Variants in RAI1 observed in about 807,000 individuals in gnomAD.
RAI1 encodes retinoic acid-induced protein 1.
In RAI1, 9 loss-of-function variants were observed where a neutral mutation model predicts 123.8. That is an observed-to-expected ratio of 0.07 (90% CI 0.04 to 0.13). The LOEUF (loss-of-function observed/expected upper bound fraction) is 0.13, where lower values mean the gene tolerates loss of function less well. Among genes scored for constraint, RAI1 ranks in the 10% least tolerant of loss-of-function variants. The probability of loss-of-function intolerance (pLI) is 1.00; values close to 1 mark genes in which losing one functional copy is unlikely to be tolerated. For missense variants in RAI1, 2,256 were observed against 2,545.8 expected (o/e 0.89, Z 2.45); for synonymous variants, 1,231 against 1,127.3 (o/e 1.09, Z -1.84).
chr17:17,791,459 C>G (rs2032010165), intron 2 of RAI1, among the ~76,000 whole-genome samples: 1 of 152,112 alleles, frequency 6.6e-6, no homozygotes, highest in African/African-American at 2.4e-5. Context: ...GCCTCTCCCT[C>G]TCTGTGCCCC....
chr17:17,703,877 C>G (rs1161928243), intron 1 of RAI1, among the ~76,000 whole-genome samples: 2 of 152,362 alleles, frequency 1.3e-5, no homozygotes, highest in African/African-American at 4.8e-5. Context: ...CTTCGTCTGG[C>G]TTCCCAGAGG....
intron 2 of RAI1, among the ~76,000 whole-genome samples, chr17:17,728,856 G>T (rs969858991): frequency 6.6e-6 from 1 of 152,192 alleles, no homozygotes; most frequent in Admixed American, 6.5e-5. Context: ...GCCCTTCATA[G>T]CTCCTAGCTG....
chr17:17,683,056 C>T (rs961389071), intron 1 of RAI1, among the ~76,000 whole-genome samples: 3 of 152,190 alleles, frequency 2.0e-5, no homozygotes, highest in African/African-American at 7.2e-5. Flanking sequence ...CGGTTCCTCC[C>T]ACCAATACTG....
intron 2 of RAI1, among the ~76,000 whole-genome samples, chr17:17,781,520 CCT>C (rs931754450): frequency 1.3e-5 from 2 of 152,134 alleles, no homozygotes; most frequent in African/African-American, 4.8e-5. Context: ...GGCCTCATTC[CCT>C]GACTGGGGGC....
intron 1 of RAI1, among the ~76,000 whole-genome samples, chr17:17,721,169 C>G (rs1033080378): frequency 1.3e-5 from 2 of 152,130 alleles, no homozygotes; most frequent in African/African-American, 4.8e-5. Flanking sequence ...TCTCCATGCT[C>G]CACCCCACCC....
intron 1 of RAI1, among the ~76,000 whole-genome samples, chr17:17,710,168 TG>T (rs1473821133): frequency 6.6e-6 from 1 of 152,126 alleles, no homozygotes; most frequent in Admixed American, 6.5e-5. Context: ...GGCACCAGGG[TG>T]GCAGCAGCGG....
rs1915643514 is a variant in RAI1 at position 17,714,101 on chromosome 17, G to A, written c.-148-9927G>A. Among the ~76,000 whole-genome samples the A allele has an allele frequency of 6.6e-6, 1 of 152,078 alleles. No homozygotes were observed. The highest frequency in any genetic ancestry group is 1.5e-5 in the Non-Finnish European group (1 of 67,998). On this transcript the variant is annotated intron_variant, in intron 1 of 5. Coordinates refer to ENST00000353383, the MANE Select transcript of RAI1 (RefSeq NM_030665.4). This position sits in a 1 kb window ranked among gnomAD's most constrained non-coding sequence, Gnocchi z 4.9. ...AGCCGCAGGTTGCTCACCACCTCCC[G>A]AGCAGCTCCCTCCTTCCATTTCTGG...
At chr17:17,758,688 C>G (rs1157556099) in intron 2 of RAI1, among the ~76,000 whole-genome samples, 1 of 152,222 alleles carries the variant, frequency 6.6e-6, no homozygotes, top group African/African-American at 2.4e-5. Context: ...ACAGACGCGC[C>G]AACCCCTAAT....
At chr17:17,729,138 C>T (rs947285313) in intron 2 of RAI1, among the ~76,000 whole-genome samples, 18 of 152,310 alleles carry the variant, frequency 1.2e-4, no homozygotes, top group Admixed American at 5.9e-4. Flanking sequence ...CTCATGGTTC[C>T]ACAGCAGACC....
Position 17,796,504 on chromosome 17 carries a change from A to G in RAI1, c.3556A>G (p.Thr1186Ala). The G allele has an allele frequency of 6.2e-7, 1 of 1,611,072 alleles. No individual in the cohort carries two copies. The highest frequency in any genetic ancestry group is 8.5e-7 in the Non-Finnish European group (1 of 1,179,628). Residue 1186 changes from threonine (T) to alanine (A), a missense_variant, in exon 3 of 6, where the codon ACA (threonine) becomes GCA (alanine). By Grantham distance (58) the Thr-to-Ala change is moderately conservative (BLOSUM62 0). Transcript: ENST00000353383. The surrounding 1 kb of genome is among the most constrained non-coding windows in gnomAD (Gnocchi z 5.8). ...KLLDNSHLPA[T>A]FKVSSSPQKE... ...CCTCGACAACAGCCACTTGCCCGCCACATTCAAGGTCTCCAGCAGCCCCCA... is the reference window on the plus strand; with the variant it reads ...CCTCGACAACAGCCACTTGCCCGCCGCATTCAAGGTCTCCAGCAGCCCCCA...
chr17:17,758,326 C>T (rs2142991650), intron 2 of RAI1, among the ~76,000 whole-genome samples: 1 of 152,302 alleles, frequency 6.6e-6, no homozygotes, highest in African/African-American at 2.4e-5. Context: ...GGGTGGCTTA[C>T]AGCTGAAAGG....
chr17:17,765,520 CG>C (rs1230349777), intron 2 of RAI1, among the ~76,000 whole-genome samples: 3 of 152,268 alleles, frequency 2.0e-5, no homozygotes, highest in Non-Finnish European at 2.9e-5. Flanking sequence ...AACGGCAAGA[CG>C]TAGGCCTTAC....
intron 2 of RAI1, chr17:17,777,170 G>A (rs1420141219): frequency 5.3e-5 from 8 of 152,102 alleles, no homozygotes; most frequent in African/African-American, 9.7e-5. Context: ...AGATGACTTC[G>A]GGCCCAGGTT....
chr17:17,704,029 G>A (rs556045958), intron 1 of RAI1, among the ~76,000 whole-genome samples: 6 of 152,218 alleles, frequency 3.9e-5, no homozygotes, highest in East Asian at 1.9e-4. Context: ...CCGGCTCCTC[G>A]GGGGGTGGCC....
At chr17:17,751,355 C>T (rs1268905486) in intron 2 of RAI1, among the ~76,000 whole-genome samples, 2 of 152,236 alleles carry the variant, frequency 1.3e-5, no homozygotes, top group Admixed American at 6.5e-5. Context: ...CTTCTCGGCT[C>T]CTGTGTCTGC....
Position 17,806,125 on chromosome 17 carries a change from G to C in RAI1, c.5659+2276G>C, listed in dbSNP as rs137938870. 2.6e-5 allele frequency among the ~76,000 whole-genome samples: 4 copies of C among 152,230 alleles called. 1 individual carries two copies. The highest frequency in any genetic ancestry group is 6.5e-5 in the Admixed American group (1 of 15,288). ...TTGGCCACAGTTAGGGAGACCAGAC[G>C]GGAAGGAGAGAGTATGCACTGTGGA... On this transcript the variant is annotated intron_variant, in intron 4 of 5. Transcript: ENST00000353383.
intron 2 of RAI1, among the ~76,000 whole-genome samples, chr17:17,779,933 G>A (rs1397466568): frequency 1.3e-5 from 2 of 150,984 alleles, no homozygotes; most frequent in Non-Finnish European, 1.5e-5. Flanking sequence ...CCGCCACCTC[G>A]CCCGGCTAAT....
chr17:17,781,437 G>T (rs1397707790), intron 2 of RAI1, among the ~76,000 whole-genome samples: 1 of 152,270 alleles, frequency 6.6e-6, no homozygotes, highest in African/African-American at 2.4e-5. Context: ...CCTCTTGGGG[G>T]AAGGACAGGC....
rs1254559475 is a variant in RAI1 at position 17,796,428 on chromosome 17, G to T, written c.3480G>T (p.Arg1160=). 1.2e-6 allele frequency: 2 copies of T among 1,613,310 alleles called. No individual in the cohort carries two copies. Among genetic ancestry groups the T allele is most frequent in the African/African-American group, 2.7e-5 (2 of 74,936 alleles). Residue 1160 remains arginine, a synonymous_variant, in exon 3 of 6, where the codon CGG becomes CGT. Transcript: ENST00000353383. The surrounding 1 kb of genome is among the most constrained non-coding windows in gnomAD (Gnocchi z 5.8). ...CCCAGGAGATCTTCCACTCCAAGCG[G>T]CGGAGGCCCTCTGAGGGCCGGCTCC... ...TKTQEIFHSK[R]RRPSEGRLPN... is the part of the protein sequence containing the mutation.
Sources: allele counts gnomAD v4.1 joint callset (sites outside exome capture counted in the v4.1 genomes callset), GRCh38; gene constraint gnomAD v4.1.1; non-coding constraint Gnocchi (gnomAD v3.1); transcripts MANE v1.5; gene names NCBI Gene and HGNC (gene_info 2026-07-23, HGNC 2026-07-21).